Variants in LPP observed in about 807,000 individuals in gnomAD.
The protein encoded by LPP is LIM domain containing preferred translocation partner in lipoma.
In LPP, 38 loss-of-function variants were observed where a neutral mutation model predicts 60.4. The ratio of observed to expected loss-of-function variants is 0.63; its 90% confidence interval spans 0.49 to 0.83. The LOEUF (loss-of-function observed/expected upper bound fraction) is 0.83. LPP is among the 40% of genes least tolerant of loss of function. The pLI, the probability that LPP is intolerant of heterozygous loss-of-function variation, is 0.00. For synonymous variants in LPP, 328 were observed against 290.8 expected, an observed-to-expected ratio of 1.13 and a Z score of -1.30; for missense variants, 902 against 783.6, an observed-to-expected ratio of 1.15 and a Z score of -1.80.
intron 6 of LPP, among the ~76,000 whole-genome samples, chr3:188,608,304 T>G (rs190577533): frequency 6.6e-6 from 1 of 152,368 alleles, no homozygotes; most frequent in Admixed American, 6.5e-5. Context: ...TTAGAAGTTT[T>G]AGTTTCAGGC....
At chr3:188,581,763 A>G (rs1293432026) in intron 6 of LPP, among the ~76,000 whole-genome samples, 4 of 152,164 alleles carry the variant, frequency 2.6e-5, no homozygotes, top group African/African-American at 9.7e-5. Flanking sequence ...CAGCCTCGGA[A>G]CACAACCCCT....
chr3:188,656,374 G>T, intron 7 of LPP, among the ~76,000 whole-genome samples: 1 of 152,058 alleles, frequency 6.6e-6, no homozygotes, highest in Middle Eastern at 3.2e-3. Flanking sequence ...ACAGCAAGTT[G>T]GTTTCATTTC....
rs546492042 is a variant in LPP, at chr3:188,374,835, C to T, written c.-9-31277C>T. On this transcript the variant is annotated intron_variant, in intron 3 of 11. Coordinates refer to ENST00000617246, the MANE Select transcript of LPP (RefSeq NM_001375462.1). ...TTTTGCCCATTCAGTATGATATTGG[C>T]TGTGGGTTTGTCATAGATAGCTCTT... Among the ~76,000 whole-genome samples, 6 of 152,038 alleles carry T rather than the reference C, an allele frequency of 3.9e-5. No individual in the cohort carries two copies. In the South Asian group the frequency reaches 1.2e-3, roughly 32 times the overall value.
chr3:188,250,808 CTCTT>C lies in LPP; in HGVS notation c.-67+25295_-67+25298del, dbSNP rs1553835845. Among the ~76,000 whole-genome samples, 620 of 132,006 alleles carry C rather than the reference CTCTT, an allele frequency of 4.7e-3. 8 individuals are homozygous for C. The highest frequency in any genetic ancestry group is 0.012 in the Middle Eastern group (3 of 248). The allele number at this position is 132,006 out of a possible 152,430, so 86.6% of individuals were successfully genotyped here. A position where few individuals can be genotyped will look rare whatever the true frequency, so the allele number is the denominator to read the frequency against. On this transcript the variant is annotated intron_variant, in intron 2 of 11. Transcript: ENST00000617246. ...TTTCTGTCTTTCTCTTTCTTTCTTTCTCTTTCTTTCTTTCTTTTTCTTTCTTTCT... is the reference window on the plus strand; with the variant it reads ...TTTCTGTCTTTCTCTTTCTTTCTTTCTCTTTCTTTCTTTTTCTTTCTTTCT...
At chr3:188,655,638 A>G (rs1445695018) in intron 7 of LPP, among the ~76,000 whole-genome samples, 4 of 152,156 alleles carry the variant, frequency 2.6e-5, no homozygotes, top group African/African-American at 9.7e-5. Context: ...GGTTGAATAG[A>G]TCACCATGAA....
At chr3:188,848,668 A>T (rs1762036126) in intron 9 of LPP, among the ~76,000 whole-genome samples, 1 of 152,218 alleles carries the variant, frequency 6.6e-6, no homozygotes. Flanking sequence ...ACTTTGCTCA[A>T]ATCAAAAAGT....
At chr3:188,406,718 CTT>C (rs1458426162) in intron 4 of LPP, among the ~76,000 whole-genome samples, 2 of 152,214 alleles carry the variant, frequency 1.3e-5, no homozygotes, top group Non-Finnish European at 2.9e-5. Flanking sequence ...CAATCAGAAA[CTT>C]ATACAAAGTG....
chr3:188,293,668 G>T (rs1746803413), intron 2 of LPP, among the ~76,000 whole-genome samples: 1 of 152,050 alleles, frequency 6.6e-6, no homozygotes, highest in Non-Finnish European at 1.5e-5. Flanking sequence ...AGCAAAATGT[G>T]GCATAAAATA....
chr3:188,497,306 T>A (rs563522969), intron 5 of LPP, among the ~76,000 whole-genome samples: 33 of 152,326 alleles, frequency 2.2e-4, no homozygotes, highest in African/African-American at 7.0e-4. Flanking sequence ...GGTATGATAG[T>A]ATGATAATTC....
At chr3:188,559,889 A>G (rs1199367884) in intron 6 of LPP, among the ~76,000 whole-genome samples, 1 of 152,018 alleles carries the variant, frequency 6.6e-6, no homozygotes, top group East Asian at 1.9e-4. Context: ...AGCTTTTCAC[A>G]TAGCAGCTTT....
At chr3:188,267,821 G>A (rs1736114386) in intron 2 of LPP, among the ~76,000 whole-genome samples, 2 of 152,038 alleles carry the variant, frequency 1.3e-5, no homozygotes, top group South Asian at 4.2e-4. Context: ...CTTCTCAAGG[G>A]GGATGTCAGC....
chr3:188,538,903 T>C (rs1824389052), intron 6 of LPP, among the ~76,000 whole-genome samples: 2 of 152,176 alleles, frequency 1.3e-5, no homozygotes, highest in South Asian at 4.1e-4. Context: ...TGGGAAACAT[T>C]ATGCTATACG....
intron 1 of LPP, among the ~76,000 whole-genome samples, chr3:188,213,235 G>T (rs2149220563): frequency 6.6e-6 from 1 of 152,248 alleles, no homozygotes. Flanking sequence ...GCAAAATGTT[G>T]ATGTGTAGCA....
Position 188,606,779 on chromosome 3 carries a change from C to G in LPP, c.430-2382C>G, listed in dbSNP as rs116982663. On this transcript the variant is annotated intron_variant, in intron 6 of 11. Transcript: ENST00000617246. ...GGTCAGATTTTTCTCGTCAATAATG[C>G]CAGTCATAAAAAAGTCAGCGTAGAT... Among the ~76,000 whole-genome samples, 27 of 152,024 alleles carry G rather than the reference C, an allele frequency of 1.8e-4. No homozygotes were observed. The East Asian group carries it at 5.2e-3, about 29-fold the overall frequency.
At chr3:188,730,523 G>A (rs1720062340) in intron 8 of LPP, among the ~76,000 whole-genome samples, 1 of 152,190 alleles carries the variant, frequency 6.6e-6, no homozygotes, top group Admixed American at 6.5e-5. Context: ...CTGGGAATCT[G>A]GTAAGGAAGT....
At chr3:188,405,770 T>C (rs1437768931) in intron 3 of LPP, among the ~76,000 whole-genome samples, 1 of 152,218 alleles carries the variant, frequency 6.6e-6, no homozygotes, top group Non-Finnish European at 1.5e-5. Flanking sequence ...TTAGGAACCA[T>C]TTCTTATTCA....
intron 3 of LPP, among the ~76,000 whole-genome samples, chr3:188,377,900 CTGTT>C (rs760631193): frequency 1.3e-5 from 2 of 152,052 alleles, no homozygotes; most frequent in Non-Finnish European, 2.9e-5. Flanking sequence ...GATGTCCTGT[CTGTT>C]TGTTAGTTTT....
chr3:188,501,738 C>G (rs1391861546), intron 5 of LPP, among the ~76,000 whole-genome samples: 1 of 133,846 alleles, frequency 7.5e-6, no homozygotes, highest in Non-Finnish European at 1.6e-5. Flanking sequence ...GACTCCATCT[C>G]AAAAAAAACA....
chr3:188,781,130 G>A (rs551546612), intron 9 of LPP, among the ~76,000 whole-genome samples: 96 of 152,302 alleles, frequency 6.3e-4, no homozygotes, highest in African/African-American at 1.8e-3. Flanking sequence ...TGTGTAAAGC[G>A]GCTATAATAG....
Sources: allele counts gnomAD v4.1 joint callset (sites outside exome capture counted in the v4.1 genomes callset), GRCh38; gene constraint gnomAD v4.1.1; transcripts MANE v1.5; gene names NCBI Gene and HGNC (gene_info 2026-07-23, HGNC 2026-07-21).